The following CCDC158 variants were observed in gnomAD, a reference collection of about 807,000 sequenced individuals.
CCDC158 encodes the protein coiled-coil domain-containing protein 158.
In CCDC158, 116 loss-of-function variants were observed where a neutral mutation model predicts 138.6. The observed-to-expected ratio is 0.84, with a 90% CI of 0.72 to 0.98. The LOEUF (loss-of-function observed/expected upper bound fraction) is 0.98, where lower values mean the gene tolerates loss of function less well. Among genes scored for constraint, CCDC158 ranks in the 50% least tolerant of loss-of-function variants. The pLI is 0.00. For missense variants in CCDC158, 1,265 were observed against 1,306.1 expected (o/e 0.97, Z 0.48); for synonymous variants, 436 against 442.4 (o/e 0.99, Z 0.18).
At chr4:76,366,875 TG>T (rs1167949779) in intron 12 of CCDC158, among the ~76,000 whole-genome samples, 1 of 152,168 alleles carries the variant, frequency 6.6e-6, no homozygotes, top group Non-Finnish European at 1.5e-5. Context: ...AACAGGTTGT[TG>T]GGAGTTTTTT....
intron 8 of CCDC158, 85 bp from the exon 9 acceptor site, chr4:76,379,489 A>T (rs868499521): frequency 1.5e-6 from 1 of 655,760 alleles, no homozygotes; most frequent in South Asian, 3.0e-5. Context: ...TTTTGACACT[A>T]CCACTAGTTA....
intron 20 of CCDC158, 81 bp from the exon 21 acceptor site, chr4:76,331,484 T>C: frequency 8.6e-7 from 1 of 1,162,350 alleles, no homozygotes; most frequent in South Asian, 1.2e-5. Context: ...GTGAGAAAAA[T>C]AATGTATTCT....
At chr4:76,336,269 T>G (rs887949106) in intron 18 of CCDC158, among the ~76,000 whole-genome samples, 2 of 151,992 alleles carry the variant, frequency 1.3e-5, no homozygotes, top group African/African-American at 4.8e-5. Flanking sequence ...CATTCTTTTA[T>G]TGACTTTATC....
At chr4:76,387,133 A>G (rs148615887) in intron 4 of CCDC158, among the ~76,000 whole-genome samples, 121 of 152,260 alleles carry the variant, frequency 7.9e-4, no homozygotes, top group African/African-American at 2.8e-3. Flanking sequence ...TCCCAACCCC[A>G]GACGGTGTAG....
At chr4:76,403,029 G>A (rs1238427260) in intron 3 of CCDC158, 109 bp downstream of exon 3, 1 of 712,816 alleles carries the variant, frequency 1.4e-6, no homozygotes, top group East Asian at 2.8e-5. Context: ...TCATGATCAT[G>A]GTCTGTAACC....
At chr4:76,337,060 C>T (rs1247570940) in intron 18 of CCDC158, among the ~76,000 whole-genome samples, 3 of 152,092 alleles carry the variant, frequency 2.0e-5, no homozygotes, top group Non-Finnish European at 4.4e-5. Flanking sequence ...GGATCACTGC[C>T]GCCTTGACCT....
At position 76,323,381 on chromosome 4, in the gene CCDC158, T is replaced by C; in HGVS notation, c.3198A>G (p.Thr1066=). 1 of 1,611,906 alleles carries C rather than the reference T, an allele frequency of 6.2e-7. No individual in the cohort carries two copies. The part of the protein sequence containing the change: ...KDSQSPPIET[T]GKTCRKLQNR... ...TCTGAAGCTTCCTGCATGTTTTTCC[T>C]GTTGTTTCTATTGGCGGAGACTGTG... Residue 1066 remains threonine, a synonymous_variant, in exon 24 of 25, where the codon ACA becomes ACG. Transcript: ENST00000682701.
intron 1 of CCDC158, among the ~76,000 whole-genome samples, chr4:76,414,617 G>C (rs781393583): frequency 1.3e-5 from 2 of 152,182 alleles, no homozygotes; most frequent in Non-Finnish European, 2.9e-5. Flanking sequence ...GTGTGGGAGG[G>C]ACCCAGGATG....
chr4:76,401,161 G>T lies in CCDC158; in HGVS notation c.70+1977C>A, dbSNP rs1214796948. 4 of 279,306 alleles carry T rather than the reference G, an allele frequency of 1.4e-5. No homozygotes were observed. The East Asian group carries it at 2.9e-4, about 21-fold the overall frequency. 17.3% of individuals were successfully genotyped at this position (279,306 alleles called of 1,614,324 possible). The stretch of plus-strand genomic sequence containing the variant: ...ACACTACCTTCATGTGCAGAAAATA[G>T]GTGTACTCTAGGAATAAAGGAGTGA... On this transcript the variant is annotated intron_variant, in intron 3 of 24. Coordinates refer to ENST00000682701, the MANE Select transcript of CCDC158 (RefSeq NM_001394954.1).
chr4:76,351,166 A>G, intron 17 of CCDC158, 45 bp from the exon 18 acceptor site: 5 of 1,537,616 alleles, frequency 3.3e-6, no homozygotes, highest in Non-Finnish European at 4.4e-6. Flanking sequence ...CCAGCCTACA[A>G]TTATAAAGAA....
chr4:76,330,752 T>A (rs1720934361), intron 21 of CCDC158, among the ~76,000 whole-genome samples: 1 of 152,160 alleles, frequency 6.6e-6, no homozygotes, highest in African/African-American at 2.4e-5. Flanking sequence ...TATGGGAAGA[T>A]GTGTGTAGGT....
intron 24 of CCDC158, among the ~76,000 whole-genome samples, chr4:76,319,286 A>G (rs1719718569): frequency 6.7e-6 from 1 of 149,510 alleles, no homozygotes; most frequent in African/African-American, 2.5e-5. Context: ...AAAAAAAATT[A>G]GCTAGGCATG....
At chr4:76,316,162 C>T (rs1719367783) in intron 24 of CCDC158, among the ~76,000 whole-genome samples, 1 of 152,142 alleles carries the variant, frequency 6.6e-6, no homozygotes, top group African/African-American at 2.4e-5. Context: ...TTAAGCTACT[C>T]ATGGAGATAC....
At position 76,353,314 on chromosome 4, in the gene CCDC158, A is replaced by T. The variant is rs1421021968; in HGVS notation, c.2287-33T>A. The T allele has an allele frequency of 2.6e-6, 4 of 1,530,016 alleles. No homozygotes were observed. In the African/African-American group the frequency reaches 5.5e-5, roughly 21 times the overall value. The allele number at this position is 1,530,016 out of a possible 1,614,324, so 94.8% of individuals were successfully genotyped here. Reference sequence around the variant, plus strand: ...TATATGAGAGAAAAACATCAGAAATAACCTGTTGATGTAGATGCTGAAAGG... The same window carrying T: ...TATATGAGAGAAAAACATCAGAAATTACCTGTTGATGTAGATGCTGAAAGG... On this transcript the variant is annotated intron_variant, in intron 15 of 24. Coordinates refer to ENST00000682701, the MANE Select transcript of CCDC158 (RefSeq NM_001394954.1).
intron 3 of CCDC158, among the ~76,000 whole-genome samples, chr4:76,398,744 A>G (rs1579079244): frequency 6.6e-6 from 1 of 152,216 alleles, no homozygotes; most frequent in Non-Finnish European, 1.5e-5. Context: ...TGAACATGAG[A>G]AACAATTTTT....
At chr4:76,400,515 G>T (rs1292415915) in intron 3 of CCDC158, among the ~76,000 whole-genome samples, 1 of 151,424 alleles carries the variant, frequency 6.6e-6, no homozygotes, top group African/African-American at 2.4e-5. Context: ...TAACAAACCT[G>T]CACGGTGTGC....
intron 4 of CCDC158, among the ~76,000 whole-genome samples, chr4:76,389,584 G>A (rs905603814): frequency 6.6e-6 from 1 of 152,060 alleles, no homozygotes; most frequent in African/African-American, 2.4e-5. Flanking sequence ...CAAACCTAGA[G>A]AAAAATACCA....
intron 22 of CCDC158, 112 bp downstream of exon 22, chr4:76,328,788 G>A: frequency 8.8e-6 from 7 of 792,996 alleles, no homozygotes; most frequent in South Asian, 4.4e-5. Context: ...CAGGAAATGA[G>A]GCCAGAGAGT....
chr4:76,362,152 CTTGTTTTCACCTCATTTAA>C lies in CCDC158; in HGVS notation c.1975_1993del (p.Leu659ValfsTer5). 1 of 1,613,912 alleles carries C rather than the reference CTTGTTTTCACCTCATTTAA, an allele frequency of 6.2e-7. No homozygotes were observed. The highest frequency in any genetic ancestry group is 1.1e-5 in the South Asian group (1 of 91,048). On this transcript the variant is annotated frameshift_variant, in exon 13 of 25. Coordinates refer to ENST00000682701, the MANE Select transcript of CCDC158 (RefSeq NM_001394954.1). LOFTEE classifies it high-confidence loss of function. ...TGAAAGATTGTTTAATTCACTCCTACTTGTTTTCACCTCATTTAATAATTGATCTCTCTCTTGTTTGATG... is the reference window on the plus strand; with the variant it reads ...TGAAAGATTGTTTAATTCACTCCTACTAATTGATCTCTCTCTTGTTTGATG...
Sources: allele counts gnomAD v4.1 joint callset (sites outside exome capture counted in the v4.1 genomes callset), GRCh38; gene constraint gnomAD v4.1.1; transcripts MANE v1.5; gene names NCBI Gene and HGNC (gene_info 2026-07-23, HGNC 2026-07-21).